PRKN: variants seen among roughly 807,000 people sequenced by gnomAD.
PRKN encodes the protein E3 ubiquitin-protein ligase parkin.
A neutral mutation model predicts 59.5 loss-of-function variants in PRKN; 56 were observed. That is an observed-to-expected ratio of 0.94 (90% CI 0.76 to 1.18). PRKN has a LOEUF of 1.18. Ranked by LOEUF, PRKN falls within the 50% of genes most tolerant of loss-of-function variation. PRKN has a pLI of 0.00. For missense variants in PRKN, 657 were observed against 596.4 expected, an observed-to-expected ratio of 1.10 and a Z score of -1.06; for synonymous variants, 250 against 222.1, an observed-to-expected ratio of 1.13 and a Z score of -1.12.
At chr6:162,253,618 G>C (rs1779526104) in intron 3 of PRKN, among the ~76,000 whole-genome samples, 1 of 152,098 alleles carries the variant, frequency 6.6e-6, no homozygotes, top group African/African-American at 2.4e-5. Flanking sequence ...CTCACTATTT[G>C]TAGGAACTTC....
At chr6:162,422,629 A>G (rs2128159869) in intron 2 of PRKN, among the ~76,000 whole-genome samples, 1 of 152,276 alleles carries the variant, frequency 6.6e-6, no homozygotes, top group Non-Finnish European at 1.5e-5. Context: ...ACTTTTAAAA[A>G]TGGCTTATAG....
intron 1 of PRKN, among the ~76,000 whole-genome samples, chr6:162,637,345 G>A (rs1777765716): frequency 7.0e-6 from 1 of 143,776 alleles, no homozygotes; most frequent in Non-Finnish European, 1.5e-5. Context: ...GATTTCAGGA[G>A]GTCAAACTTG....
chr6:161,907,386 C>T (rs745759433), intron 6 of PRKN, among the ~76,000 whole-genome samples: 90 of 152,288 alleles, frequency 5.9e-4, no homozygotes, highest in Non-Finnish European at 7.1e-4. Flanking sequence ...ATCAGCATCT[C>T]AACTCCTATT....
intron 7 of PRKN, among the ~76,000 whole-genome samples, chr6:161,679,343 G>C (rs1582991983): frequency 6.6e-6 from 1 of 152,274 alleles, no homozygotes; most frequent in East Asian, 1.9e-4. Context: ...AGACTGGCCT[G>C]GAAGAAATCC....
chr6:161,662,914 T>C lies in PRKN; in HGVS notation c.872-93498A>G, dbSNP rs1354974348. 5.9e-5 allele frequency among the ~76,000 whole-genome samples: 9 copies of C among 152,306 alleles called. No individual in the cohort carries two copies. In the East Asian group the frequency reaches 1.7e-3, roughly 29 times the overall value. ...GTTTGGATGTGTCCCCACCCAAATTTCATCTTGAATTGTAGCTCCCATAAT... is the reference window on the plus strand; with the variant it reads ...GTTTGGATGTGTCCCCACCCAAATTCCATCTTGAATTGTAGCTCCCATAAT... On this transcript the variant is annotated intron_variant, in intron 7 of 11. Transcript: ENST00000366898.
intron 2 of PRKN, among the ~76,000 whole-genome samples, chr6:162,406,940 T>G (rs1331340098): frequency 2.0e-5 from 3 of 152,126 alleles, no homozygotes; most frequent in Non-Finnish European, 4.4e-5. Flanking sequence ...GATTCCAACT[T>G]TCTGCCAGGT....
chr6:162,634,915 A>G (rs750158701), intron 1 of PRKN, among the ~76,000 whole-genome samples: 31 of 152,098 alleles, frequency 2.0e-4, no homozygotes, highest in Non-Finnish European at 3.8e-4. Context: ...ATTTAATTAA[A>G]CATTCTTAGA....
intron 7 of PRKN, among the ~76,000 whole-genome samples, chr6:161,730,416 TTC>T (rs1249085052): frequency 3.3e-5 from 5 of 151,260 alleles, no homozygotes; most frequent in Non-Finnish European, 7.3e-5. Flanking sequence ...GCTGCATTCT[TTC>T]TGATATGTTG....
At chr6:162,622,197 G>A (rs926959520) in intron 1 of PRKN, among the ~76,000 whole-genome samples, 1 of 151,908 alleles carries the variant, frequency 6.6e-6, no homozygotes, top group African/African-American at 2.4e-5. Flanking sequence ...CATTTTTACT[G>A]TGATAATCAT....
chr6:161,918,757 G>A (rs1466042551), intron 6 of PRKN, among the ~76,000 whole-genome samples: 2 of 152,124 alleles, frequency 1.3e-5, no homozygotes, highest in African/African-American at 4.8e-5. Context: ...CAAAAGCTTT[G>A]AATAGACATT....
chr6:162,177,800 G>C (rs1783610339), intron 4 of PRKN, among the ~76,000 whole-genome samples: 1 of 152,130 alleles, frequency 6.6e-6, no homozygotes, highest in South Asian at 2.1e-4. Context: ...AGTGGCAGCT[G>C]CCAGATTAAA....
intron 1 of PRKN, among the ~76,000 whole-genome samples, chr6:162,522,185 G>A (rs1415732953): frequency 6.6e-6 from 1 of 152,184 alleles, no homozygotes; most frequent in Non-Finnish European, 1.5e-5. Context: ...GTGTAGTGGG[G>A]CAATCTCTGC....
intron 7 of PRKN, among the ~76,000 whole-genome samples, chr6:161,752,240 C>T (rs1237440041): frequency 5.3e-5 from 8 of 152,010 alleles, no homozygotes; most frequent in Admixed American, 2.6e-4. Flanking sequence ...TGTGATAGCA[C>T]GTGCCTGTAG....
chr6:161,600,615 G>A (rs1192638657), intron 7 of PRKN, among the ~76,000 whole-genome samples: 1 of 152,072 alleles, frequency 6.6e-6, no homozygotes, highest in African/African-American at 2.4e-5. Context: ...GAATTGGCAT[G>A]CTTTTGTTAA....
At chr6:161,928,237 A>T (rs945629616) in intron 6 of PRKN, among the ~76,000 whole-genome samples, 1 of 152,254 alleles carries the variant, frequency 6.6e-6, no homozygotes, top group African/African-American at 2.4e-5. Flanking sequence ...TCTGTTGTTT[A>T]TAAGCCATTT....
chr6:162,567,885 G>A (rs1370204153), intron 1 of PRKN, among the ~76,000 whole-genome samples: 4 of 152,106 alleles, frequency 2.6e-5, no homozygotes, highest in Non-Finnish European at 5.9e-5. Context: ...GCTATTGTAA[G>A]CAAAACAGCA....
At chr6:162,114,648 G>GA in intron 4 of PRKN, among the ~76,000 whole-genome samples, 1 of 150,656 alleles carries the variant, frequency 6.6e-6, no homozygotes, top group Middle Eastern at 3.4e-3. Flanking sequence ...AAATTTACAA[G>GA]AAAAAAACAA....
intron 6 of PRKN, among the ~76,000 whole-genome samples, chr6:161,868,777 A>C (rs1342510083): frequency 6.6e-6 from 1 of 152,148 alleles, no homozygotes; most frequent in Admixed American, 6.6e-5. Context: ...GATAAGTCCC[A>C]TTATGAGGAG....
At chr6:162,492,153 T>G (rs971776120) in intron 1 of PRKN, among the ~76,000 whole-genome samples, 1 of 152,234 alleles carries the variant, frequency 6.6e-6, no homozygotes, top group African/African-American at 2.4e-5. Context: ...TCTCTTACCA[T>G]GCTCACATGA....
Sources: allele counts gnomAD v4.1 joint callset (sites outside exome capture counted in the v4.1 genomes callset), GRCh38; gene constraint gnomAD v4.1.1; transcripts MANE v1.5; gene names NCBI Gene and HGNC (gene_info 2026-07-23, HGNC 2026-07-21).